Variants in SLC35F4 observed in about 807,000 individuals in gnomAD.
SLC35F4 encodes the protein solute carrier family 35 member F4.
A neutral mutation model predicts 44.2 loss-of-function variants in SLC35F4; 24 were observed. That is an observed-to-expected ratio of 0.54 (90% CI 0.39 to 0.76). The LOEUF is 0.76. SLC35F4 is among the 30% of genes least tolerant of loss of function. The probability of loss-of-function intolerance (pLI) is 0.00; values close to 1 mark genes in which losing one functional copy is unlikely to be tolerated. For missense variants in SLC35F4, 562 were observed against 586.1 expected (o/e 0.96, Z 0.42); for synonymous variants, 238 against 223.6 (o/e 1.06, Z -0.57).
intron 1 of SLC35F4, among the ~76,000 whole-genome samples, chr14:57,690,787 C>T (rs561334077): frequency 4.6e-5 from 7 of 152,008 alleles, no homozygotes; most frequent in South Asian, 2.1e-4. Context: ...CTGGCATGCA[C>T]GGTTCACAAT....
intron 1 of SLC35F4, among the ~76,000 whole-genome samples, chr14:57,801,819 C>T (rs2078200250): frequency 6.6e-6 from 1 of 152,192 alleles, no homozygotes; most frequent in Admixed American, 6.5e-5. Flanking sequence ...TAGAGAAGCA[C>T]TCAGATTCAT....
chr14:57,590,579 C>T (rs762820554), intron 2 of SLC35F4, among the ~76,000 whole-genome samples: 1 of 152,156 alleles, frequency 6.6e-6, no homozygotes, highest in Non-Finnish European at 1.5e-5. Context: ...ATAGCCAAAA[C>T]TCTCTAAAAG....
chr14:57,818,198 C>A (rs991190214), intron 1 of SLC35F4, among the ~76,000 whole-genome samples: 2 of 152,164 alleles, frequency 1.3e-5, no homozygotes, highest in Non-Finnish European at 2.9e-5. Flanking sequence ...AAGTCAGGGG[C>A]TCTCTCTCCA....
chr14:57,573,258 A>C (rs1028047290), intron 4 of SLC35F4, among the ~76,000 whole-genome samples: 1 of 152,206 alleles, frequency 6.6e-6, no homozygotes, highest in African/African-American at 2.4e-5. Context: ...AGTGGCCACC[A>C]AAAGCAAGGG....
Position 57,803,832 on chromosome 14 carries a change from C to T in SLC35F4, c.103+61891G>A, listed in dbSNP as rs79013636. 0.014 allele frequency among the ~76,000 whole-genome samples: 2,137 copies of T among 151,934 alleles called. 274 individuals are homozygous for T. In the East Asian group the frequency reaches 0.33, roughly 23 times the overall value. On this transcript the variant is annotated intron_variant, in intron 1 of 7. Coordinates refer to ENST00000556826, the MANE Select transcript of SLC35F4 (RefSeq NM_001306087.2). ...TTCGAACTCCTGACCTCAGGTGATC[C>T]GCCCACTTCAGCCTCCCAAAGTGCT...
intron 1 of SLC35F4, among the ~76,000 whole-genome samples, chr14:57,831,423 C>T (rs1884358952): frequency 6.6e-6 from 1 of 152,112 alleles, no homozygotes; most frequent in East Asian, 1.9e-4. Flanking sequence ...CTGACCAAGA[C>T]AGTGATAGAC....
At chr14:57,768,226 T>C (rs970046016) in intron 1 of SLC35F4, among the ~76,000 whole-genome samples, 1 of 152,202 alleles carries the variant, frequency 6.6e-6, no homozygotes, top group Non-Finnish European at 1.5e-5. Flanking sequence ...CCATTGGGTT[T>C]ACCTACATCA....
chr14:57,670,076 G>A (rs1339480428), intron 1 of SLC35F4, among the ~76,000 whole-genome samples: 1 of 152,074 alleles, frequency 6.6e-6, no homozygotes, highest in Non-Finnish European at 1.5e-5. Context: ...TATGTGTCGA[G>A]GAATTTATCC....
chr14:57,913,038 C>A (rs970341940), intron 1 of SLC35F4, among the ~76,000 whole-genome samples: 2 of 151,960 alleles, frequency 1.3e-5, no homozygotes. Context: ...TCCCTAATAA[C>A]CTTCTTTGCT....
At chr14:57,747,031 T>C (rs1418009073) in intron 1 of SLC35F4, among the ~76,000 whole-genome samples, 1 of 152,176 alleles carries the variant, frequency 6.6e-6, no homozygotes, top group African/African-American at 2.4e-5. Flanking sequence ...CTACATGAAC[T>C]GAGATTTTTA....
upstream of SLC35F4, among the ~76,000 whole-genome samples, chr14:57,869,697 T>C (rs904367027): frequency 2.0e-5 from 3 of 152,232 alleles, no homozygotes; most frequent in Admixed American, 2.0e-4. Flanking sequence ...CAGCACTGTT[T>C]ACAAAGAGTT....
chr14:57,754,362 C>G (rs991781448), intron 1 of SLC35F4, among the ~76,000 whole-genome samples: 1 of 152,098 alleles, frequency 6.6e-6, no homozygotes, highest in Non-Finnish European at 1.5e-5. Context: ...ACCTTGGCCT[C>G]CCAAAGTACT....
intron 1 of SLC35F4, among the ~76,000 whole-genome samples, chr14:57,948,642 T>A (rs1890078754): frequency 6.6e-6 from 1 of 152,180 alleles, no homozygotes; most frequent in Non-Finnish European, 1.5e-5. Context: ...CTATTTTTGC[T>A]CTGTCAGACT....
At chr14:57,707,218 A>C (rs746638290) in intron 1 of SLC35F4, among the ~76,000 whole-genome samples, 34 of 152,212 alleles carry the variant, frequency 2.2e-4, no homozygotes, top group Non-Finnish European at 4.1e-4. Context: ...AAGGTGACAC[A>C]GAATAAAGAC....
At chr14:57,750,626 A>G (rs1471707224) in intron 1 of SLC35F4, among the ~76,000 whole-genome samples, 1 of 152,210 alleles carries the variant, frequency 6.6e-6, no homozygotes, top group Non-Finnish European at 1.5e-5. Context: ...CCTGATGATT[A>G]GCAATGTTGA....
intron 1 of SLC35F4, among the ~76,000 whole-genome samples, chr14:57,782,245 G>A (rs1286924144): frequency 6.6e-6 from 1 of 151,892 alleles, no homozygotes; most frequent in East Asian, 1.9e-4. Flanking sequence ...AAGTACAGTT[G>A]GCCCTTGAGC....
chr14:57,686,360 A>T lies in SLC35F4; in HGVS notation c.104-92236T>A, dbSNP rs967835516. 5.9e-5 allele frequency among the ~76,000 whole-genome samples: 9 copies of T among 152,160 alleles called. No individual in the cohort carries two copies. The East Asian group carries it at 1.5e-3, about 26-fold the overall frequency. On this transcript the variant is annotated intron_variant, in intron 1 of 7. Coordinates refer to ENST00000556826, the MANE Select transcript of SLC35F4 (RefSeq NM_001306087.2). ...TGTCCCTAGAGCCTCTCTTTAAAGGATGCTATTTCCAGCATGAGCTCAGTC... is the reference window on the plus strand; with the variant it reads ...TGTCCCTAGAGCCTCTCTTTAAAGGTTGCTATTTCCAGCATGAGCTCAGTC...
At chr14:57,584,511 T>C (rs1268671622) in intron 3 of SLC35F4, among the ~76,000 whole-genome samples, 1 of 152,178 alleles carries the variant, frequency 6.6e-6, no homozygotes. Context: ...AATCTAAGAA[T>C]TGTCTGACAA....
At chr14:57,897,254 G>T (rs910755761) in intron 1 of SLC35F4, among the ~76,000 whole-genome samples, 1 of 152,028 alleles carries the variant, frequency 6.6e-6, no homozygotes, top group Non-Finnish European at 1.5e-5. Flanking sequence ...CTCCCTGATA[G>T]GGTTAAAGCT....
Sources: gnomAD v4.1 joint callset for allele counts (sites outside exome capture counted in the v4.1 genomes callset) on GRCh38, gnomAD v4.1.1 for gene constraint, MANE v1.5 for transcripts, NCBI Gene and HGNC (gene_info 2026-07-23, HGNC 2026-07-21) for gene names.